The following ERC1 variants were observed in gnomAD, a reference collection of about 807,000 sequenced individuals.
ERC1 encodes the protein RAB6 interacting protein 2.
Under a neutral mutation model 132.0 loss-of-function variants are expected in ERC1, and 56 were observed. That is an observed-to-expected ratio of 0.42 (90% CI 0.34 to 0.53). The LOEUF is 0.53. ERC1 is among the 20% of genes least tolerant of loss of function. The pLI is 0.03. For missense variants in ERC1, 1,202 were observed against 1,349.9 expected, an observed-to-expected ratio of 0.89 and a Z score of 1.72; for synonymous variants, 478 against 476.1, an observed-to-expected ratio of 1.00 and a Z score of -0.05.
chr12:1,180,282 T>TGTGCGC (rs1429193466), intron 8 of ERC1, among the ~76,000 whole-genome samples: 1 of 144,214 alleles, frequency 6.9e-6, no homozygotes, highest in African/African-American at 2.6e-5. Flanking sequence ...TGTGTGTGTG[T>TGTGCGC]GCGCGCACGC....
chr12:1,156,419 T>C (rs986501167), intron 8 of ERC1, among the ~76,000 whole-genome samples: 3 of 151,964 alleles, frequency 2.0e-5, no homozygotes, highest in African/African-American at 7.3e-5. Context: ...TTTTGTATTA[T>C]TAGTAGAGAG....
At chr12:1,150,255 A>G (rs1274407179) in intron 8 of ERC1, among the ~76,000 whole-genome samples, 1 of 152,218 alleles carries the variant, frequency 6.6e-6, no homozygotes, top group Non-Finnish European at 1.5e-5. Context: ...TGAACCCTGA[A>G]TTAGCTGGTA....
chr12:1,123,874 A>C (rs1234059854), intron 7 of ERC1, among the ~76,000 whole-genome samples: 1 of 152,218 alleles, frequency 6.6e-6, no homozygotes, highest in Non-Finnish European at 1.5e-5. Context: ...ACGCACCTGT[A>C]GTTTTCAGCT....
At chr12:1,421,602 T>A (rs928132900) in intron 17 of ERC1, among the ~76,000 whole-genome samples, 10 of 152,116 alleles carry the variant, frequency 6.6e-5, no homozygotes, top group African/African-American at 2.4e-4. Flanking sequence ...CTGAAAAATA[T>A]CTTAAAGACC....
chr12:1,076,783 C>A (rs1486037871), intron 2 of ERC1, among the ~76,000 whole-genome samples: 1 of 152,112 alleles, frequency 6.6e-6, no homozygotes, highest in African/African-American at 2.4e-5. Flanking sequence ...CATTTACTTT[C>A]AACATAATTT....
chr12:1,248,544 A>G (rs1157502139), intron 13 of ERC1, among the ~76,000 whole-genome samples: 1 of 152,220 alleles, frequency 6.6e-6, no homozygotes, highest in Non-Finnish European at 1.5e-5. Context: ...AAAGCTTGGC[A>G]TTTTCAAAGT....
At chr12:1,091,924 A>G (rs910611633) in intron 3 of ERC1, among the ~76,000 whole-genome samples, 1 of 152,174 alleles carries the variant, frequency 6.6e-6, no homozygotes, top group African/African-American at 2.4e-5. Context: ...TGGGCTGGCA[A>G]TGCTAGGGTA....
At chr12:1,176,994 T>C (rs1256025238) in intron 8 of ERC1, among the ~76,000 whole-genome samples, 1 of 152,236 alleles carries the variant, frequency 6.6e-6, no homozygotes, top group Non-Finnish European at 1.5e-5. Flanking sequence ...CAGCACTTGC[T>C]GCTTTACTTT....
At chr12:1,018,634 A>G (rs1286903386) in intron 1 of ERC1, among the ~76,000 whole-genome samples, 2 of 152,254 alleles carry the variant, frequency 1.3e-5, no homozygotes, top group African/African-American at 4.8e-5. Flanking sequence ...GGTTCCATAA[A>G]CTACATTCAA....
intron 1 of ERC1, among the ~76,000 whole-genome samples, chr12:1,008,131 G>A (rs1156593738): frequency 6.6e-5 from 10 of 152,134 alleles, no homozygotes; most frequent in African/African-American, 2.2e-4. Flanking sequence ...GTTCACTACT[G>A]TCAACCACCA....
chr12:1,300,107 G>T (rs547349701), intron 15 of ERC1, among the ~76,000 whole-genome samples: 1 of 152,224 alleles, frequency 6.6e-6, no homozygotes, highest in South Asian at 2.1e-4. Context: ...GGTAGTGGTA[G>T]TAAAGCAGAC....
chr12:1,361,286 A>G (rs1298161396), intron 15 of ERC1, among the ~76,000 whole-genome samples: 1 of 150,894 alleles, frequency 6.6e-6, no homozygotes, highest in Non-Finnish European at 1.5e-5. Context: ...GAGGGATAGC[A>G]TTAGGAGATA....
chr12:1,454,667 T>C (rs576890716), intron 18 of ERC1, among the ~76,000 whole-genome samples: 35 of 152,328 alleles, frequency 2.3e-4, no homozygotes, highest in African/African-American at 7.9e-4. Context: ...TAAAGTCTTC[T>C]TTGTATCTCT....
intron 18 of ERC1, among the ~76,000 whole-genome samples, chr12:1,456,645 A>G (rs533828600): frequency 6.6e-6 from 1 of 152,080 alleles, no homozygotes; most frequent in Admixed American, 6.6e-5. Flanking sequence ...AATTATATAA[A>G]ATTGGAAGTT....
Position 1,236,766 on chromosome 12 carries a change from T to C in ERC1, c.2352-3T>C, listed in dbSNP as rs2075442695. 1 of 1,612,790 alleles carries C rather than the reference T, an allele frequency of 6.2e-7. No individual in the cohort carries two copies. Reference sequence around the variant, plus strand: ...AGCTTGATTTTTCTCCTTCTGTCATTAGGCAAGTGAAAGACCAGAATAAGA... The same window carrying C: ...AGCTTGATTTTTCTCCTTCTGTCATCAGGCAAGTGAAAGACCAGAATAAGA... On this transcript the variant is annotated splice_region_variant and splice_polypyrimidine_tract_variant and intron_variant, in intron 12 of 18. Transcript: ENST00000360905.
intron 7 of ERC1, among the ~76,000 whole-genome samples, chr12:1,134,717 G>A (rs928614356): frequency 6.7e-6 from 1 of 148,176 alleles, no homozygotes; most frequent in African/African-American, 2.5e-5. Flanking sequence ...ATAATTGGGG[G>A]TCCTCAGTAA....
chr12:1,211,338 G>C (rs1957850521), intron 12 of ERC1, among the ~76,000 whole-genome samples: 1 of 152,042 alleles, frequency 6.6e-6, no homozygotes, highest in Admixed American at 6.6e-5. Flanking sequence ...AGGAGAGACA[G>C]GGTTTCTCCA....
intron 8 of ERC1, among the ~76,000 whole-genome samples, chr12:1,177,422 G>C (rs1243680279): frequency 6.6e-6 from 1 of 152,172 alleles, no homozygotes; most frequent in Non-Finnish European, 1.5e-5. Context: ...AAAAGTGAGA[G>C]ATGTGCAACT....
At chr12:1,133,854 C>T (rs1297191116) in intron 7 of ERC1, among the ~76,000 whole-genome samples, 1 of 152,206 alleles carries the variant, frequency 6.6e-6, no homozygotes, top group African/African-American at 2.4e-5. Flanking sequence ...TTCTCTGTTT[C>T]TTTGAGTTCA....
Sources: gnomAD v4.1 joint callset for allele counts (sites outside exome capture counted in the v4.1 genomes callset) on GRCh38, gnomAD v4.1.1 for gene constraint, MANE v1.5 for transcripts, NCBI Gene and HGNC (gene_info 2026-07-23, HGNC 2026-07-21) for gene names.